Variants in PSMD1 observed in about 807,000 individuals in gnomAD.
PSMD1 encodes the protein proteasome 26S subunit, non-ATPase 1.
In PSMD1, 18 loss-of-function variants were observed where a neutral mutation model predicts 119.0. The observed-to-expected ratio is 0.15, with a 90% CI of 0.10 to 0.22. The LOEUF is 0.22. PSMD1 is among the 10% of genes least tolerant of loss of function. The pLI is 1.00. For missense variants in PSMD1, 702 were observed against 1,158.5 expected (o/e 0.61, Z 5.72); for synonymous variants, 374 against 396.6 (o/e 0.94, Z 0.68).
chr2:231,087,280 A>G, intron 16 of PSMD1, 99 bp downstream of exon 16: 1 of 936,994 alleles, frequency 1.1e-6, no homozygotes, highest in Admixed American at 2.1e-5. Flanking sequence ...ACTAAACAAA[A>G]ACTAAATACC....
At position 231,062,492 on chromosome 2, in the gene PSMD1, C is replaced by G. The variant is rs748393834; in HGVS notation, c.135-14C>G. The G allele has an allele frequency of 1.3e-4, 208 of 1,577,056 alleles. No homozygotes were observed. Among genetic ancestry groups the G allele is most frequent in the Non-Finnish European group, 1.8e-4 (204 of 1,164,466 alleles). On this transcript the variant is annotated splice_polypyrimidine_tract_variant and intron_variant, in intron 3 of 24. Transcript: ENST00000308696. ...ACAGTTTGAACTAGACCTGTACTTCCTAATTTCTTTCAGAGAGGTTTTATA... is the reference window on the plus strand; with the variant it reads ...ACAGTTTGAACTAGACCTGTACTTCGTAATTTCTTTCAGAGAGGTTTTATA...
intron 1 of PSMD1, among the ~76,000 whole-genome samples, chr2:231,057,820 T>G (rs575599235): frequency 6.6e-6 from 1 of 152,372 alleles, no homozygotes; most frequent in African/African-American, 2.4e-5. Flanking sequence ...AATTGGAGAC[T>G]TAAGCTCCCC....
chr2:231,127,047 G>C (rs1414311694), intron 16 of PSMD1, among the ~76,000 whole-genome samples: 1 of 151,702 alleles, frequency 6.6e-6, no homozygotes, highest in Non-Finnish European at 1.5e-5. Context: ...ACGCACAGAC[G>C]TATACACACA....
In PSMD1 at chr2:231,172,704, G is replaced by A. The variant is rs1048790950; in HGVS notation, c.*179G>A. The stretch of plus-strand genomic sequence containing the variant: ...AAGAGAAGATATATGACTGTTGAGT[G>A]TGCTCTTTCACAGAACTTGGTTTTC... On this transcript the variant is annotated 3_prime_UTR_variant, in exon 25 of 25. Coordinates refer to ENST00000308696, the MANE Select transcript of PSMD1 (RefSeq NM_002807.4). 21 of 152,294 alleles carry A rather than the reference G, an allele frequency of 1.4e-4. No homozygotes were observed. Among genetic ancestry groups the A allele is most frequent in the African/African-American group, 4.1e-4 (17 of 41,564 alleles). The allele number at this position is 152,294 out of a possible 1,614,324, so 9.4% of individuals were successfully genotyped here. A position where few individuals can be genotyped will look rare whatever the true frequency, so the allele number is the denominator to read the frequency against.
At chr2:231,090,427 C>T (rs1230371184) in intron 16 of PSMD1, among the ~76,000 whole-genome samples, 1 of 152,118 alleles carries the variant, frequency 6.6e-6, no homozygotes. Context: ...GACATGGTGG[C>T]AGGTGCCTGT....
Position 231,164,757 on chromosome 2 carries a change from T to C in PSMD1, c.2482-443T>C, listed in dbSNP as rs1696717547. Among the ~76,000 whole-genome samples, 4 of 151,964 alleles carry C rather than the reference T, an allele frequency of 2.6e-5. No homozygotes were observed. In the South Asian group the frequency reaches 6.2e-4, roughly 24 times the overall value. ...CTGTGTATTAGCATTGTAAGACATA[T>C]AGTCCAGAGAGGATATCTACAACCA... On this transcript the variant is annotated intron_variant, in intron 21 of 24. Coordinates refer to ENST00000308696, the MANE Select transcript of PSMD1 (RefSeq NM_002807.4).
intron 16 of PSMD1, among the ~76,000 whole-genome samples, chr2:231,134,276 C>T (rs1158962252): frequency 2.6e-5 from 4 of 152,148 alleles, no homozygotes; most frequent in East Asian, 1.9e-4. Flanking sequence ...TTTAAAGATT[C>T]GACTCCCAAA....
chr2:231,116,173 T>C (rs1411963855), intron 16 of PSMD1, among the ~76,000 whole-genome samples: 1 of 152,158 alleles, frequency 6.6e-6, no homozygotes, highest in African/African-American at 2.4e-5. Context: ...AAAAGGACCT[T>C]GGACACAGGC....
At chr2:231,103,477 G>T (rs1289744062) in intron 16 of PSMD1, among the ~76,000 whole-genome samples, 2 of 152,170 alleles carry the variant, frequency 1.3e-5, no homozygotes, top group Non-Finnish European at 2.9e-5. Flanking sequence ...CCTCTTCTGA[G>T]ATCTGGCAAA....
At position 231,163,703 on chromosome 2, in the gene PSMD1, A is replaced by G; in HGVS notation, c.2457A>G (p.Val819=). 6.2e-7 allele frequency: 1 copy of G among 1,611,404 alleles called. No individual in the cohort carries two copies. The highest frequency in any genetic ancestry group is 8.5e-7 in the Non-Finnish European group (1 of 1,177,674). The part of the protein sequence containing the change: ...STFAYPAPLE[V]PKEKEKEKVS... ...TTGCATATCCTGCCCCTCTGGAAGT[A>G]CCAAAAGAAAAAGAAAAGGAAAAGG... The change falls in exon 21 of 25, where the codon GTA becomes GTG. Residue 819 remains valine, a synonymous_variant. Coordinates refer to ENST00000308696, the MANE Select transcript of PSMD1 (RefSeq NM_002807.4).
intron 3 of PSMD1, 76 bp from the exon 4 acceptor site, chr2:231,062,430 G>A (rs1165576003): frequency 6.5e-7 from 1 of 1,547,940 alleles, no homozygotes; most frequent in Non-Finnish European, 8.8e-7. Flanking sequence ...CTGAATTGTG[G>A]CTTGAATATT....
intron 16 of PSMD1, among the ~76,000 whole-genome samples, chr2:231,091,973 G>A (rs1436421033): frequency 6.6e-6 from 1 of 152,144 alleles, no homozygotes; most frequent in African/African-American, 2.4e-5. Flanking sequence ...AGGCGTGCAA[G>A]AATCTTTTGA....
chr2:231,093,010 T>C (rs1355373919), intron 16 of PSMD1, among the ~76,000 whole-genome samples: 3 of 152,218 alleles, frequency 2.0e-5, no homozygotes. Context: ...GTGCCATTAA[T>C]GAGGGACCCC....
At chr2:231,164,639 A>G (rs1696714262) in intron 21 of PSMD1, among the ~76,000 whole-genome samples, 1 of 152,104 alleles carries the variant, frequency 6.6e-6, no homozygotes, top group South Asian at 2.1e-4. Context: ...GGTCTGAAAC[A>G]AAGTCAGCTT....
rs375675745 is a variant in PSMD1, at chr2:231,070,177, A to G, written c.654+9A>G. Reference sequence around the variant, plus strand: ...TCATCAATGTTTGTCAGGTAATGACATTAAATTATGTTTCATTACATTGCT... The same window carrying G: ...TCATCAATGTTTGTCAGGTAATGACGTTAAATTATGTTTCATTACATTGCT... On this transcript the variant is annotated intron_variant, in intron 6 of 24. Transcript: ENST00000308696. 3.3e-6 allele frequency: 5 copies of G among 1,521,874 alleles called. No homozygotes were observed. The Admixed American group carries it at 9.3e-5, about 28-fold the overall frequency. 94.3% of individuals were successfully genotyped at this position (1,521,874 alleles called of 1,614,324 possible).
At chr2:231,102,395 G>A (rs1246936980) in intron 16 of PSMD1, among the ~76,000 whole-genome samples, 1 of 152,026 alleles carries the variant, frequency 6.6e-6, no homozygotes, top group Non-Finnish European at 1.5e-5. Context: ...TTACACTGTC[G>A]AAAATTCACG....
chr2:231,127,435 A>G (rs1331571334), intron 16 of PSMD1, among the ~76,000 whole-genome samples: 1 of 152,116 alleles, frequency 6.6e-6, no homozygotes, highest in African/African-American at 2.4e-5. Context: ...GCTCACTGCA[A>G]CCTCTGCCTC....
At chr2:231,078,113 C>T (rs1559221395) in intron 9 of PSMD1, among the ~76,000 whole-genome samples, 1 of 152,130 alleles carries the variant, frequency 6.6e-6, no homozygotes, top group Non-Finnish European at 1.5e-5. Flanking sequence ...ACTTAAAATA[C>T]AAAAATTAGC....
intron 10 of PSMD1, among the ~76,000 whole-genome samples, 193 bp downstream of exon 10, chr2:231,078,940 G>A (rs555756352): frequency 2.0e-5 from 3 of 151,998 alleles, no homozygotes; most frequent in South Asian, 2.1e-4. Context: ...GATTACAGGC[G>A]CACGCCACTA....
Sources: gnomAD v4.1 joint callset for allele counts (sites outside exome capture counted in the v4.1 genomes callset) on GRCh38, gnomAD v4.1.1 for gene constraint, MANE v1.5 for transcripts, NCBI Gene and HGNC (gene_info 2026-07-23, HGNC 2026-07-21) for gene names.